Variants in AFG3L2 observed in about 807,000 individuals in gnomAD.
The protein encoded by AFG3L2 is AFG3 like matrix AAA peptidase subunit 2.
AFG3L2 carries 54 observed loss-of-function variants against 94.5 expected under a neutral mutation model. The observed-to-expected ratio is 0.57, with a 90% CI of 0.46 to 0.72. The LOEUF is 0.72. AFG3L2 is among the 30% of genes least tolerant of loss of function. AFG3L2 has a pLI of 0.00. For synonymous variants in AFG3L2, 377 were observed against 365.5 expected, an observed-to-expected ratio of 1.03 and a Z score of -0.36; for missense variants, 754 against 994.9, an observed-to-expected ratio of 0.76 and a Z score of 3.26.
Position 12,354,136 on chromosome 18 carries a change from C to T in AFG3L2, c.1165-978G>A, listed in dbSNP as rs537367976. On this transcript the variant is annotated intron_variant, in intron 9 of 16. Coordinates refer to ENST00000269143, the MANE Select transcript of AFG3L2 (RefSeq NM_006796.3). ...ACTCTCCACCTGCCCACTCCCACCCCCCCCCCCCCACTTCACTGGACAGAA... is the reference window on the plus strand; with the variant it reads ...ACTCTCCACCTGCCCACTCCCACCCTCCCCCCCCCACTTCACTGGACAGAA... 3.3e-3 allele frequency among the ~76,000 whole-genome samples: 420 copies of T among 125,528 alleles called. 15 individuals carry two copies. In the East Asian group the frequency reaches 0.051, roughly 15 times the overall value. The allele number at this position is 125,528 out of a possible 152,430, so 82.4% of individuals were successfully genotyped here. A position where few individuals can be genotyped will look rare whatever the true frequency, so the allele number is the denominator to read the frequency against.
intron 16 of AFG3L2, among the ~76,000 whole-genome samples, chr18:12,334,869 T>A (rs988865660): frequency 2.2e-4 from 33 of 152,232 alleles, no homozygotes; most frequent in African/African-American, 7.7e-4. Flanking sequence ...CTGGGTTAGA[T>A]CATTTTTAAG....
chr18:12,354,351 T>C (rs975773406), intron 9 of AFG3L2, among the ~76,000 whole-genome samples: 5 of 152,076 alleles, frequency 3.3e-5, no homozygotes, highest in African/African-American at 7.2e-5. Flanking sequence ...CAGCAAGCCT[T>C]AAGCAGGAGT....
intron 15 of AFG3L2, among the ~76,000 whole-genome samples, chr18:12,339,236 CAAAAAA>C (rs539968042): frequency 4.8e-5 from 2 of 41,284 alleles, no homozygotes; most frequent in South Asian, 3.8e-3. Context: ...GACTCTGTCT[CAAAAAA>C]AAAAAAAAAA....
chr18:12,361,661 A>G lies in AFG3L2; in HGVS notation c.628-1610T>C, dbSNP rs1355909834. 2.0e-5 allele frequency among the ~76,000 whole-genome samples: 3 copies of G among 152,294 alleles called. No homozygotes were observed. In the East Asian group the frequency reaches 5.8e-4, roughly 29 times the overall value. On this transcript the variant is annotated intron_variant, in intron 6 of 16. Transcript: ENST00000269143. ...GACTCAGTCTCAAAAAACAAACAAA[A>G]AAACAAAACCTCATAGAGAGCAACA... is the stretch of plus-strand genomic sequence containing the variant.
rs757708656 is a variant in AFG3L2, at chr18:12,329,455, GTGGC to G, written c.*106_*109del. On this transcript the variant is annotated 3_prime_UTR_variant, in exon 17 of 17. Coordinates refer to ENST00000269143, the MANE Select transcript of AFG3L2 (RefSeq NM_006796.3). ...TTTCCCCATCATTTCAGCTGGGCCAGTGGCTGGCTAAAATCAGCGCAGCATTCCC... is the reference window on the plus strand; with the variant it reads ...TTTCCCCATCATTTCAGCTGGGCCAGTGGCTAAAATCAGCGCAGCATTCCC... The G allele has an allele frequency of 3.4e-6, 4 of 1,174,024 alleles. No homozygotes were observed. The highest frequency in any genetic ancestry group is 5.1e-6 in the Non-Finnish European group (4 of 783,682). The allele number at this position is 1,174,024 out of a possible 1,614,324, so 72.7% of individuals were successfully genotyped here.
In AFG3L2 at chr18:12,351,008, G is replaced by A. The variant is rs1426049509; in HGVS notation, c.1552+77C>T. On this transcript the variant is annotated intron_variant, in intron 12 of 16. Coordinates refer to ENST00000269143, the MANE Select transcript of AFG3L2 (RefSeq NM_006796.3). ...CCACAGTAAAGAAGTGAAAAGGTAA[G>A]AAAGTAAACCGGTACCTGGTAACTG... 3.2e-6 allele frequency: 5 copies of A among 1,582,770 alleles called. No homozygotes were observed. In the East Asian group the frequency reaches 6.7e-5, roughly 21 times the overall value.
chr18:12,365,897 T>C (rs1226048422), intron 5 of AFG3L2, among the ~76,000 whole-genome samples: 1 of 132,332 alleles, frequency 7.6e-6, no homozygotes. Flanking sequence ...TTTTTTGAGA[T>C]GGAGTCTCGC....
chr18:12,355,306 T>C (rs890999231), intron 9 of AFG3L2, among the ~76,000 whole-genome samples: 1 of 150,102 alleles, frequency 6.7e-6, no homozygotes, highest in Non-Finnish European at 1.5e-5. Context: ...AAGGAAGATA[T>C]ACAAATATAC....
chr18:12,376,223 C>G (rs113376017), intron 1 of AFG3L2, among the ~76,000 whole-genome samples: 2 of 152,208 alleles, frequency 1.3e-5, no homozygotes, highest in Admixed American at 6.5e-5. Flanking sequence ...GGGACCTCAA[C>G]CACCACCCGT....
At position 12,346,238 on chromosome 18, in the gene AFG3L2, A is replaced by AAATGTGAGCACT. The variant is rs1481788495; in HGVS notation, c.1664-2003_1664-1992dup. ...TGACTCACCTTTCTCTCCTCTTACC[A>AAATGTGAGCACT]AATGTGAGCACTGGGTAACATTTCC... On this transcript the variant is annotated intron_variant, in intron 13 of 16. Coordinates refer to ENST00000269143, the MANE Select transcript of AFG3L2 (RefSeq NM_006796.3). Among the ~76,000 whole-genome samples the AAATGTGAGCACT allele has an allele frequency of 8.5e-5, 13 of 152,132 alleles. No individual in the cohort carries two copies. In the East Asian group the frequency reaches 2.5e-3, roughly 29 times the overall value.
intron 13 of AFG3L2, among the ~76,000 whole-genome samples, chr18:12,346,829 G>C (rs930416452): frequency 6.8e-6 from 1 of 147,232 alleles, no homozygotes; most frequent in South Asian, 2.1e-4. Flanking sequence ...GCTTGAACTC[G>C]GAAGGTGGAG....
At chr18:12,348,421 A>G in intron 12 of AFG3L2, 38 bp from the exon 13 acceptor site, 1 of 1,519,694 alleles carries the variant, frequency 6.6e-7, no homozygotes, top group Non-Finnish European at 9.1e-7. Context: ...CCACCGAAAT[A>G]CGCCCAAACT....
chr18:12,365,751 T>G (rs1908783762), intron 5 of AFG3L2, among the ~76,000 whole-genome samples: 2 of 152,350 alleles, frequency 1.3e-5, no homozygotes, highest in South Asian at 4.1e-4. Flanking sequence ...CAGTAAGTAT[T>G]CATGTCGTCT....
At chr18:12,351,860 T>C (rs1225072670) in intron 10 of AFG3L2, among the ~76,000 whole-genome samples, 7 of 151,898 alleles carry the variant, frequency 4.6e-5, no homozygotes, top group African/African-American at 1.7e-4. Flanking sequence ...CCAGTGTTTT[T>C]TAAGTTACAA....
At chr18:12,340,919 C>CTT (rs11344408) in intron 14 of AFG3L2, 25 of 143,630 alleles carry the variant, frequency 1.7e-4, no homozygotes, top group South Asian at 1.1e-3. Flanking sequence ...AATGGCTTTT[C>CTT]TTTTTTTTTT....
At chr18:12,340,841 C>T (rs2143127488) in intron 14 of AFG3L2, 2 of 179,276 alleles carry the variant, frequency 1.1e-5, no homozygotes. Flanking sequence ...GATCCTCCTG[C>T]CTCAGCCTCC....
chr18:12,329,683 A>G lies in AFG3L2; in HGVS notation c.2276T>C (p.Phe759Ser). Residue 759 changes from phenylalanine to serine, a missense_variant, in exon 17 of 17, where the codon TTT becomes TCT. Physicochemically the swap from Phe to Ser is radical, Grantham distance 155 (BLOSUM62 -2). Around this residue, in one of 4 missense-constraint regions of AFG3L2, gnomAD observed 279 missense variants for 378.6 expected, o/e 0.74. Coordinates refer to ENST00000269143, the MANE Select transcript of AFG3L2 (RefSeq NM_006796.3). The part of the protein sequence containing the change: ...PFAEKSTYEE[F>S]VEGTGSLDED... Reference sequence around the variant, plus strand: ...ATCCAAGCTGCCAGTGCCTTCCACAAATTCTTCATAGGTAGATTTTTCCGC... The same window carrying G: ...ATCCAAGCTGCCAGTGCCTTCCACAGATTCTTCATAGGTAGATTTTTCCGC... The G allele has an allele frequency of 6.2e-7, 1 of 1,614,124 alleles. No individual in the cohort carries two copies. Among genetic ancestry groups the G allele is most frequent in the East Asian group, 2.2e-5 (1 of 44,876 alleles).
chr18:12,346,994 G>A (rs1055643757), intron 13 of AFG3L2, among the ~76,000 whole-genome samples: 10 of 151,550 alleles, frequency 6.6e-5, no homozygotes, highest in Non-Finnish European at 1.3e-4. Flanking sequence ...AAAATTAGCC[G>A]GGCATGGTGG....
intron 6 of AFG3L2, among the ~76,000 whole-genome samples, chr18:12,361,792 T>C (rs577491512): frequency 6.6e-6 from 1 of 152,356 alleles, no homozygotes; most frequent in African/African-American, 2.4e-5. Flanking sequence ...TTTTATATTA[T>C]ATAACAACAT....
Sources: gnomAD v4.1 joint callset for allele counts (sites outside exome capture counted in the v4.1 genomes callset) on GRCh38, gnomAD v4.1.1 for gene constraint, gnomAD v4.1.1 regional missense constraint, MANE v1.5 for transcripts, NCBI Gene and HGNC (gene_info 2026-07-23, HGNC 2026-07-21) for gene names.